Variants in TEAD1 observed in about 807,000 individuals in gnomAD.
TEAD1 encodes transcriptional enhancer factor TEF-1.
In TEAD1, 9 loss-of-function variants were observed where a neutral mutation model predicts 54.9. That is an observed-to-expected ratio of 0.16 (90% CI 0.10 to 0.29). The LOEUF is 0.29. Among genes scored for constraint, TEAD1 ranks in the 10% least tolerant of loss-of-function variants. TEAD1 has a pLI of 1.00. For synonymous variants in TEAD1, 200 were observed against 187.8 expected (o/e 1.07, Z -0.53); for missense variants, 387 against 535.9 (o/e 0.72, Z 2.74).
intron 3 of TEAD1, among the ~76,000 whole-genome samples, chr11:12,834,804 G>A (rs1328204839): frequency 6.7e-6 from 1 of 150,362 alleles, no homozygotes; most frequent in East Asian, 1.9e-4. Context: ...GTTTGTAGAG[G>A]TGGGATCTTG....
At chr11:12,690,432 T>A (rs987977647) in intron 2 of TEAD1, among the ~76,000 whole-genome samples, 1 of 152,164 alleles carries the variant, frequency 6.6e-6, no homozygotes, top group African/African-American at 2.4e-5. Context: ...CCCACCTTTC[T>A]TGTAATTGAT....
intron 3 of TEAD1, among the ~76,000 whole-genome samples, chr11:12,796,447 T>A (rs1945925541): frequency 6.6e-6 from 1 of 152,184 alleles, no homozygotes; most frequent in Admixed American, 6.5e-5. Flanking sequence ...ATTCTTAGGC[T>A]ACGTGGGATG....
intron 2 of TEAD1, among the ~76,000 whole-genome samples, chr11:12,727,947 C>G (rs1944346502): frequency 6.6e-6 from 1 of 152,018 alleles, no homozygotes; most frequent in Non-Finnish European, 1.5e-5. Context: ...AAACTCCACA[C>G]TCATTAAATG....
intron 4 of TEAD1, among the ~76,000 whole-genome samples, chr11:12,863,621 C>T (rs1019967092): frequency 6.6e-6 from 1 of 152,170 alleles, no homozygotes; most frequent in African/African-American, 2.4e-5. Context: ...ACCACACAGT[C>T]TGAGTCGCTG....
intron 2 of TEAD1, among the ~76,000 whole-genome samples, chr11:12,693,865 A>G (rs1379600863): frequency 6.6e-6 from 1 of 152,246 alleles, no homozygotes; most frequent in Non-Finnish European, 1.5e-5. Flanking sequence ...GGCTACAAGC[A>G]AAGGCAGGAA....
chr11:12,819,714 G>A (rs1946498303), intron 3 of TEAD1, among the ~76,000 whole-genome samples: 1 of 152,024 alleles, frequency 6.6e-6, no homozygotes, highest in Non-Finnish European at 1.5e-5. Flanking sequence ...GTCTCCCAAA[G>A]TGCTGGGATT....
intron 3 of TEAD1, among the ~76,000 whole-genome samples, chr11:12,858,424 ATTT>A (rs1947435966): frequency 6.6e-6 from 1 of 152,220 alleles, no homozygotes; most frequent in African/African-American, 2.4e-5. Flanking sequence ...ATCAGCCTGT[ATTT>A]CCAAATTAAA....
chr11:12,686,820 T>C (rs901193146), intron 2 of TEAD1, among the ~76,000 whole-genome samples: 1 of 152,266 alleles, frequency 6.6e-6, no homozygotes, highest in Non-Finnish European at 1.5e-5. Context: ...ATGACACTGC[T>C]CAGTTCCTGG....
rs542214283 is a variant in TEAD1, at chr11:12,768,606, C to G, written c.202+4172C>G. On this transcript the variant is annotated intron_variant, in intron 3 of 12. Transcript: ENST00000527636. The stretch of plus-strand genomic sequence containing the variant: ...GTTTCAAATTCAGGGCTGTCTGACT[C>G]TACATCTTGGACTTTTCTACTGAGC... Among the ~76,000 whole-genome samples the G allele has an allele frequency of 1.1e-4, 16 of 152,304 alleles. No homozygotes were observed. The East Asian group carries it at 2.9e-3, about 28-fold the overall frequency.
rs1943164649 is a variant in TEAD1 at position 12,679,218 on chromosome 11, TA to T, written c.-55+3658del. Among the ~76,000 whole-genome samples, 3 of 152,280 alleles carry T rather than the reference TA, an allele frequency of 2.0e-5. No individual in the cohort carries two copies. The South Asian group carries it at 6.2e-4, about 32-fold the overall frequency. ...GTGGCAGGCCAAGGGAAGGGTGTGT[TA>T]CATGCACTACACCCACCCCGCCTTG... On this transcript the variant is annotated intron_variant, in intron 2 of 12. Transcript: ENST00000527636.
intron 2 of TEAD1, among the ~76,000 whole-genome samples, chr11:12,751,823 T>C (rs749918500): frequency 6.6e-5 from 10 of 152,108 alleles, no homozygotes; most frequent in Non-Finnish European, 1.3e-4. Flanking sequence ...AAATGTGGAC[T>C]TAGGAATGAA....
intron 5 of TEAD1, among the ~76,000 whole-genome samples, chr11:12,871,379 ATTGTTTCAC>A (rs1947741714): frequency 6.6e-6 from 1 of 152,212 alleles, no homozygotes; most frequent in Admixed American, 6.5e-5. Context: ...TCTACTTCGA[ATTGTTTCAC>A]TTACCATTAA....
intron 3 of TEAD1, among the ~76,000 whole-genome samples, chr11:12,839,686 C>T (rs1001457293): frequency 2.0e-5 from 3 of 152,066 alleles, no homozygotes; most frequent in Non-Finnish European, 2.9e-5. Flanking sequence ...AGGTTCAGAA[C>T]GTAAGGAGCA....
At chr11:12,847,191 A>G (rs1947173406) in intron 3 of TEAD1, among the ~76,000 whole-genome samples, 1 of 151,870 alleles carries the variant, frequency 6.6e-6, no homozygotes, top group Non-Finnish European at 1.5e-5. Flanking sequence ...TCTTTCAGGG[A>G]GAGACTCAAG....
At chr11:12,915,680 T>C (rs1948699323) in intron 10 of TEAD1, among the ~76,000 whole-genome samples, 1 of 152,178 alleles carries the variant, frequency 6.6e-6, no homozygotes, top group African/African-American at 2.4e-5. Flanking sequence ...AAACCCCATC[T>C]CTACTAAAAA....
At chr11:12,896,810 T>C (rs1725446056) in intron 9 of TEAD1, among the ~76,000 whole-genome samples, 1 of 152,238 alleles carries the variant, frequency 6.6e-6, no homozygotes, top group African/African-American at 2.4e-5. Context: ...CTGTAGGTTC[T>C]ATGAAGATGA....
chr11:12,902,772 TAGC>T (rs1403123012), intron 10 of TEAD1, among the ~76,000 whole-genome samples: 1 of 152,076 alleles, frequency 6.6e-6, no homozygotes, highest in Non-Finnish European at 1.5e-5. Flanking sequence ...GGTTCCAGGG[TAGC>T]TTCCTCTTGT....
At position 12,690,982 on chromosome 11, in the gene TEAD1, C is replaced by T. The variant is rs548774003; in HGVS notation, c.-55+15421C>T. ...CTCAGGCTGGTCTGAAACTCCTGGG[C>T]TCAAGCGATCTGCTCACCTCGGCTT... On this transcript the variant is annotated intron_variant, in intron 2 of 12. Transcript: ENST00000527636. 4.0e-3 allele frequency among the ~76,000 whole-genome samples: 603 copies of T among 152,284 alleles called. 4 individuals carry two copies. The highest frequency in any genetic ancestry group is 6.2e-3 in the Non-Finnish European group (424 of 68,026).
At chr11:12,729,185 AAGTGAATG>A (rs1191012860) in intron 2 of TEAD1, among the ~76,000 whole-genome samples, 1 of 152,226 alleles carries the variant, frequency 6.6e-6, no homozygotes, top group Non-Finnish European at 1.5e-5. Context: ...CTGAATAAGT[AAGTGAATG>A]AGTGAATGAC....
Sources: allele counts gnomAD v4.1 joint callset (sites outside exome capture counted in the v4.1 genomes callset), GRCh38; gene constraint gnomAD v4.1.1; transcripts MANE v1.5; gene names NCBI Gene and HGNC (gene_info 2026-07-23, HGNC 2026-07-21).